Variants in KAT8 observed in about 807,000 individuals in gnomAD.
The protein encoded by KAT8 is lysine acetyltransferase 8.
A neutral mutation model predicts 62.9 loss-of-function variants in KAT8; 40 were observed. That is an observed-to-expected ratio of 0.64 (90% confidence interval 0.49 to 0.83). The LOEUF (loss-of-function observed/expected upper bound fraction) is 0.83, where lower values mean the gene tolerates loss of function less well. Among genes scored for constraint, KAT8 ranks in the 40% least tolerant of loss-of-function variants. The pLI is 0.00. For missense variants in KAT8, 387 were observed against 614.8 expected (o/e 0.63, Z 3.92); for synonymous variants, 278 against 254.5 (o/e 1.09, Z -0.88).
intron 3 of KAT8, chr16:31,122,714 C>T (rs1188895683): frequency 6.6e-6 from 1 of 151,806 alleles, no homozygotes; most frequent in Non-Finnish European, 1.5e-5. Flanking sequence ...CCCATCTCTA[C>T]TGAAAAATAC....
chr16:31,130,615 G>T lies in KAT8; in HGVS notation c.1157+9G>T. On this transcript the variant is annotated intron_variant, in intron 9 of 10. Transcript: ENST00000219797. The stretch of plus-strand genomic sequence containing the variant: ...TCCATCAAGGACCTCAGGTGAGGGG[G>T]CCTCCCGGGCCCTGGGGGCAGGACT... 1 of 1,613,720 alleles carries T rather than the reference G, an allele frequency of 6.2e-7. No individual in the cohort carries two copies. Among genetic ancestry groups the T allele is most frequent in the South Asian group, 1.1e-5 (1 of 91,062 alleles).
At position 31,120,150 on chromosome 16, in the gene KAT8, T is replaced by C. The variant is rs372630959; in HGVS notation, c.212-36T>C. ...TGCAGGATTCCTTTTGTTCCAGCCT[T>C]ACCTTCCTGATGACCCTAGCCTTTT... On this transcript the variant is annotated intron_variant, in intron 1 of 10. Transcript: ENST00000219797. 8 of 1,581,786 alleles carry C rather than the reference T, an allele frequency of 5.1e-6. No homozygotes were observed. The African/African-American group carries it at 1.1e-4, about 21-fold the overall frequency.
intron 3 of KAT8, chr16:31,125,683 T>C (rs561521195): frequency 5.3e-5 from 8 of 150,542 alleles, no homozygotes; most frequent in Admixed American, 4.0e-4. Context: ...TATAAACATA[T>C]AGGCACAGTG....
At position 31,130,285 on chromosome 16, in the gene KAT8, G is replaced by A; in HGVS notation, c.931G>A (p.Gly311Arg). The A allele has an allele frequency of 6.2e-7, 1 of 1,614,170 alleles. No homozygotes were observed. The highest frequency in any genetic ancestry group is 1.1e-5 in the South Asian group (1 of 91,084). ...YFSKEKESPD[G>R]NNVACILTLP... ...CCTGCAGGAGAAGGAGTCCCCGGAT[G>A]GAAACAATGTGGCCTGCATCCTGAC... Residue 311 changes from glycine to arginine, a missense_variant, in exon 8 of 11, where the codon GGA becomes AGA. Physicochemically the swap from Gly to Arg is moderately radical, Grantham distance 125. Transcript: ENST00000219797.
At position 31,130,891 on chromosome 16, in the gene KAT8, C is replaced by T. The variant is rs1402060845; in HGVS notation, c.1303C>T (p.Pro435Ser). The T allele has an allele frequency of 6.2e-7, 1 of 1,612,088 alleles. No homozygotes were observed. ...HLKSAQYKKP[P>S]ITVDSVCLKW... ...CAAAAGTGCCCAGTATAAGAAACCA[C>T]CCATCACAGGTGGGTGGGGGGCTGC... Residue 435 changes from proline to serine, a missense_variant, in exon 10 of 11, where the codon CCC becomes TCC. This residue lies in a region of KAT8 where 75 missense variants were observed against 105.7 expected (regional missense o/e 0.71). Transcript: ENST00000219797.
Position 31,130,351 on chromosome 16 carries a change from A to G in KAT8, c.997A>G (p.Ile333Val), listed in dbSNP as rs1345968617. The G allele has an allele frequency of 6.2e-7, 1 of 1,614,118 alleles. No homozygotes were observed. The highest frequency in any genetic ancestry group is 1.1e-5 in the South Asian group (1 of 91,074). ...YQRRGYGKFL[I>V]AFSYELSKLE... ...ACGCCGCGGCTACGGGAAGTTCCTCATCGCTTTCAGTGAGTGGTTCCTGGC... is the reference window on the plus strand; with the variant it reads ...ACGCCGCGGCTACGGGAAGTTCCTCGTCGCTTTCAGTGAGTGGTTCCTGGC... Residue 333 changes from isoleucine (I) to valine (V), a missense_variant, in exon 8 of 11, where the codon ATC becomes GTC. Coordinates refer to ENST00000219797, the MANE Select transcript of KAT8 (RefSeq NM_032188.3).
intron 1 of KAT8, 113 bp downstream of exon 1, chr16:31,118,005 G>C: frequency 1.2e-6 from 1 of 821,188 alleles, no homozygotes; most frequent in Non-Finnish European, 1.7e-6. Flanking sequence ...GGAGTGGAGA[G>C]GAGGAGGGGC....
chr16:31,129,984 C>T, intron 6 of KAT8, 33 bp from the exon 7 acceptor site: 1 of 1,613,020 alleles, frequency 6.2e-7, no homozygotes, highest in Non-Finnish European at 8.5e-7. Flanking sequence ...TGTGCCTGCC[C>T]CCTGAGCCTG....
chr16:31,130,791 A>G lies in KAT8; in HGVS notation c.1203A>G (p.Gln401=), dbSNP rs751552319. 1.1e-5 allele frequency: 17 copies of G among 1,614,020 alleles called. No homozygotes were observed. The highest frequency in any genetic ancestry group is 1.4e-5 in the Non-Finnish European group (16 of 1,180,028). ...ITQNDIISTL[Q]SLNMVKYWKG... is the part of the protein sequence containing the mutation. ...AAAATGACATCATCAGTACCCTGCA[A>G]TCCCTCAATATGGTCAAGTACTGGA... The change falls in exon 10 of 11, where the codon CAA becomes CAG. Residue 401 remains glutamine, a synonymous_variant. Transcript: ENST00000219797.
intron 4 of KAT8, 43 bp from the exon 5 acceptor site, chr16:31,127,146 C>T: frequency 6.2e-7 from 1 of 1,609,600 alleles, no homozygotes; most frequent in Non-Finnish European, 8.5e-7. Context: ...CGAGGAGCCC[C>T]TGCTGAGCCG....
At chr16:31,118,071 G>C in intron 1 of KAT8, 179 bp downstream of exon 1, 1 of 458,226 alleles carries the variant, frequency 2.2e-6, no homozygotes, top group South Asian at 6.0e-5. Flanking sequence ...CCGGGTTGTG[G>C]GAGGCTGTTG....
intron 3 of KAT8, among the ~76,000 whole-genome samples, chr16:31,121,514 C>T (rs566962896): frequency 6.6e-6 from 1 of 152,166 alleles, no homozygotes; most frequent in South Asian, 2.1e-4. Flanking sequence ...TTTAGGGACC[C>T]AGACAGGAAT....
chr16:31,128,415 C>T (rs754524274), intron 6 of KAT8, among the ~76,000 whole-genome samples: 6 of 152,174 alleles, frequency 3.9e-5, no homozygotes, highest in South Asian at 4.1e-4. Context: ...CGTGGTGGTG[C>T]GCACCTGTAA....
At chr16:31,119,619 C>T (rs2057478278) in intron 1 of KAT8, among the ~76,000 whole-genome samples, 1 of 152,062 alleles carries the variant, frequency 6.6e-6, no homozygotes. Flanking sequence ...CCTAGGTAAG[C>T]CTCAGTTTTG....
intron 5 of KAT8, among the ~76,000 whole-genome samples, chr16:31,127,824 C>G (rs1378098799): frequency 6.6e-6 from 1 of 152,230 alleles, no homozygotes; most frequent in Admixed American, 6.5e-5. Context: ...CACAGAGACT[C>G]AAAACCCCAC....
At chr16:31,124,508 C>G (rs1348878451) in intron 3 of KAT8, among the ~76,000 whole-genome samples, 2 of 151,924 alleles carry the variant, frequency 1.3e-5, no homozygotes, top group African/African-American at 4.8e-5. Context: ...CAGGCGCAGG[C>G]AGACCACGAG....
intron 6 of KAT8, among the ~76,000 whole-genome samples, chr16:31,128,820 A>G (rs377365188): frequency 6.6e-6 from 1 of 152,234 alleles, no homozygotes; most frequent in Non-Finnish European, 1.5e-5. Flanking sequence ...TGTGGCTTTC[A>G]AGGTTTGAGT....
In KAT8 at chr16:31,130,920, G is replaced by C. The variant is rs762464373; in HGVS notation, c.1312+20G>C. ...TCACAGGTGGGTGGGGGGCTGCTGT[G>C]TGTCGGGGGCGGTGGGGGAGTGTCA... On this transcript the variant is annotated intron_variant, in intron 10 of 10. Coordinates refer to ENST00000219797, the MANE Select transcript of KAT8 (RefSeq NM_032188.3). 4 of 1,606,504 alleles carry C rather than the reference G, an allele frequency of 2.5e-6. No homozygotes were observed.
Position 31,117,726 on chromosome 16 carries a change from A to G in KAT8, c.45A>G (p.Ser15=). Residue 15 remains serine, a synonymous_variant, in exon 1 of 11, where the codon TCA becomes TCG. Coordinates refer to ENST00000219797, the MANE Select transcript of KAT8 (RefSeq NM_032188.3). The stretch of plus-strand genomic sequence containing the variant: ...CTGCGGCGGTTGCGGCGGGGACTTC[A>G]GGGGTCGCGGGGGAGGGCGAGCCCG... ...GAAAAVAAGT[S]GVAGEGEPGP... 2 of 1,380,088 alleles carry G rather than the reference A, an allele frequency of 1.4e-6. No homozygotes were observed. Among genetic ancestry groups the G allele is most frequent in the Non-Finnish European group, 1.9e-6 (2 of 1,060,632 alleles). The allele number at this position is 1,380,088 out of a possible 1,614,324, so 85.5% of individuals were successfully genotyped here.
Sources: gnomAD v4.1 joint callset for allele counts (sites outside exome capture counted in the v4.1 genomes callset) on GRCh38, gnomAD v4.1.1 for gene constraint, gnomAD v4.1.1 regional missense constraint, MANE v1.5 for transcripts, NCBI Gene and HGNC (gene_info 2026-07-23, HGNC 2026-07-21) for gene names.